Variants in RALGAPA1 observed in about 807,000 individuals in gnomAD.
RALGAPA1 encodes the protein Ral GTPase activating protein catalytic subunit alpha 1.
A neutral mutation model predicts 269.6 loss-of-function variants in RALGAPA1; 52 were observed. That is an observed-to-expected ratio of 0.19 (90% confidence interval 0.15 to 0.24). RALGAPA1 has a LOEUF of 0.24. Ranked by LOEUF, RALGAPA1 falls within the 10% of genes least tolerant of loss-of-function variation. The pLI, the probability that RALGAPA1 is intolerant of heterozygous loss-of-function variation, is 1.00. For missense variants in RALGAPA1, 1,917 were observed against 3,013.9 expected (o/e 0.64, Z 8.52); for synonymous variants, 817 against 1,008.3 (o/e 0.81, Z 3.60).
At chr14:35,711,037 G>C (rs1289958855) in intron 16 of RALGAPA1, among the ~76,000 whole-genome samples, 2 of 152,132 alleles carry the variant, frequency 1.3e-5, no homozygotes, top group African/African-American at 4.8e-5. Flanking sequence ...TGCATAATTA[G>C]CTTCACTTTC....
intron 33 of RALGAPA1, among the ~76,000 whole-genome samples, chr14:35,633,837 G>A (rs1370615767): frequency 6.6e-6 from 1 of 151,760 alleles, no homozygotes. Flanking sequence ...AAGGTTATTT[G>A]CTTCTATTAC....
intron 1 of RALGAPA1, among the ~76,000 whole-genome samples, chr14:35,790,442 C>T (rs149827688): frequency 6.6e-6 from 1 of 151,860 alleles, no homozygotes; most frequent in African/African-American, 2.4e-5. Context: ...AATCCCAGCA[C>T]TTTGAGAGGC....
At chr14:35,639,132 A>G (rs2061846913) in intron 31 of RALGAPA1, among the ~76,000 whole-genome samples, 1 of 152,188 alleles carries the variant, frequency 6.6e-6, no homozygotes, top group Non-Finnish European at 1.5e-5. Context: ...GGAAACCAAA[A>G]AAAGCAGAAG....
rs1474542303 is a variant in RALGAPA1 at position 35,674,267 on chromosome 14, G to A, written c.4830C>T (p.Asn1610=). ...LWQNLAKIRD[N]LGISTDNLTS... ...TCAGGTTATCAGTTGAAATGCCAAG[G>A]TTATCTCTAATCTGTAATTTTCAAA... The change falls in exon 24 of 42, where the codon AAC becomes AAT. Residue 1610 remains asparagine, a synonymous_variant. Coordinates refer to ENST00000680220, the MANE Select transcript of RALGAPA1 (RefSeq NM_001346249.2). 6.2e-7 allele frequency: 1 copy of A among 1,609,630 alleles called. No individual in the cohort carries two copies. Among genetic ancestry groups the A allele is most frequent in the Non-Finnish European group, 8.5e-7 (1 of 1,177,354 alleles).
chr14:35,746,868 T>C (rs1285378059), intron 10 of RALGAPA1, among the ~76,000 whole-genome samples: 1 of 151,150 alleles, frequency 6.6e-6, no homozygotes, highest in East Asian at 1.9e-4. Flanking sequence ...GAAGTATACA[T>C]GTTAAAACTT....
intron 27 of RALGAPA1, among the ~76,000 whole-genome samples, chr14:35,663,849 C>T (rs895804245): frequency 6.6e-6 from 1 of 152,034 alleles, no homozygotes; most frequent in Non-Finnish European, 1.5e-5. Context: ...CCTCGGCCTC[C>T]CAAAGTGCTG....
chr14:35,673,045 A>C, intron 24 of RALGAPA1, 23 bp from the exon 25 acceptor site: 1 of 1,396,670 alleles, frequency 7.2e-7, no homozygotes, highest in Non-Finnish European at 9.4e-7. Context: ...GATCAGTTTT[A>C]ATGTTCAAAA....
chr14:35,742,333 A>T, intron 11 of RALGAPA1, 35 bp downstream of exon 11: 1 of 1,422,216 alleles, frequency 7.0e-7, no homozygotes, highest in Non-Finnish European at 9.7e-7. Context: ...AATCTATTAG[A>T]CTAACACTAA....
chr14:35,796,876 C>T (rs976652467), intron 1 of RALGAPA1, among the ~76,000 whole-genome samples: 5 of 151,962 alleles, frequency 3.3e-5, no homozygotes, highest in African/African-American at 1.2e-4. Flanking sequence ...CAACCTCTGC[C>T]TCCTGGGTTC....
In RALGAPA1 at chr14:35,700,514, T is replaced by C. The variant is rs555829185; in HGVS notation, c.2267-212A>G. On this transcript the variant is annotated intron_variant, in intron 16 of 41. Transcript: ENST00000680220. Reference sequence around the variant, plus strand: ...CAACATTTTGAATATAATTTTTTTATATAAAGCAGAAAAATGCTATTATTA... The same window carrying C: ...CAACATTTTGAATATAATTTTTTTACATAAAGCAGAAAAATGCTATTATTA... Among the ~76,000 whole-genome samples the C allele has an allele frequency of 6.6e-5, 10 of 152,280 alleles. No homozygotes were observed. In the East Asian group the frequency reaches 9.6e-4, roughly 15 times the overall value.
At chr14:35,592,648 T>C (rs1223185117) in intron 37 of RALGAPA1, among the ~76,000 whole-genome samples, 1 of 152,184 alleles carries the variant, frequency 6.6e-6, no homozygotes, top group Admixed American at 6.5e-5. Flanking sequence ...AAAAAGATTA[T>C]ACACCCAGAC....
chr14:35,800,866 G>A (rs764522280), intron 1 of RALGAPA1, among the ~76,000 whole-genome samples: 14 of 151,888 alleles, frequency 9.2e-5, no homozygotes, highest in Non-Finnish European at 4.4e-5. Context: ...TTAGCCAGGC[G>A]GGGTGGCGCA....
chr14:35,738,089 CAA>C (rs58213941), intron 12 of RALGAPA1, among the ~76,000 whole-genome samples: 6 of 123,658 alleles, frequency 4.9e-5, no homozygotes, highest in African/African-American at 5.7e-5. Flanking sequence ...AACTCCATCT[CAA>C]AAAAAAAAAA....
intron 16 of RALGAPA1, among the ~76,000 whole-genome samples, chr14:35,718,181 T>G (rs2069017544): frequency 6.6e-6 from 1 of 152,206 alleles, no homozygotes; most frequent in South Asian, 2.1e-4. Context: ...TATTGGTTTA[T>G]TTGCTTATTA....
rs918753122 is a variant in RALGAPA1 at position 35,561,176 on chromosome 14, G to A, written c.7496+9441C>T. Among the ~76,000 whole-genome samples the A allele has an allele frequency of 6.1e-5, 8 of 131,458 alleles. No homozygotes were observed. In the East Asian group the frequency reaches 9.3e-4, roughly 15 times the overall value. 86.2% of individuals were successfully genotyped at this position (131,458 alleles called of 152,430 possible). On this transcript the variant is annotated intron_variant, in intron 39 of 41. Transcript: ENST00000680220. ...TGGAAAGTGGAGGTTGCAGTGAGCC[G>A]AGATGGCGCCACTGCACTCCAGCCT...
chr14:35,713,290 G>A (rs1363021944), intron 16 of RALGAPA1, among the ~76,000 whole-genome samples: 1 of 152,144 alleles, frequency 6.6e-6, no homozygotes, highest in Admixed American at 6.5e-5. Context: ...ACAATCATCA[G>A]GATATGATGA....
At chr14:35,692,355 T>C (rs2066549426) in intron 17 of RALGAPA1, among the ~76,000 whole-genome samples, 1 of 151,974 alleles carries the variant, frequency 6.6e-6, no homozygotes, top group Non-Finnish European at 1.5e-5. Context: ...TTTTAATTTC[T>C]TTTATAGATA....
intron 21 of RALGAPA1, among the ~76,000 whole-genome samples, chr14:35,682,840 C>G (rs1172205347): frequency 2.0e-5 from 3 of 152,122 alleles, no homozygotes; most frequent in African/African-American, 7.2e-5. Context: ...CCATTCTCCA[C>G]TAGGGCCATA....
At chr14:35,720,278 T>A (rs1429930432) in intron 16 of RALGAPA1, among the ~76,000 whole-genome samples, 2 of 152,210 alleles carry the variant, frequency 1.3e-5, no homozygotes, top group African/African-American at 4.8e-5. Flanking sequence ...TTTAAAAGCA[T>A]AAGACAATTC....
Sources: allele counts gnomAD v4.1 joint callset (sites outside exome capture counted in the v4.1 genomes callset), GRCh38; gene constraint gnomAD v4.1.1; transcripts MANE v1.5; gene names NCBI Gene and HGNC (gene_info 2026-07-23, HGNC 2026-07-21).